Variants in FAM131C observed in about 807,000 individuals in gnomAD.
FAM131C encodes the protein family with sequence similarity 131 member C.
Under a neutral mutation model 29.8 loss-of-function variants are expected in FAM131C, and 14 were observed. The observed-to-expected ratio is 0.47, with a 90% CI of 0.31 to 0.73. The LOEUF is 0.73. Among genes scored for constraint, FAM131C ranks in the 30% least tolerant of loss-of-function variants. The pLI, the probability that FAM131C is intolerant of heterozygous loss-of-function variation, is 0.05. For missense variants in FAM131C, 252 were observed against 383.8 expected, an observed-to-expected ratio of 0.66 and a Z score of 2.87; for synonymous variants, 86 against 157.8, an observed-to-expected ratio of 0.54 and a Z score of 3.41.
intron 1 of FAM131C, among the ~76,000 whole-genome samples, chr1:16,071,958 C>A (rs1237378669): frequency 2.6e-5 from 4 of 152,194 alleles, no homozygotes; most frequent in Non-Finnish European, 5.9e-5. Flanking sequence ...CACTCAGATC[C>A]CCTCCACCTG....
intron 4 of FAM131C, 68 bp from the exon 5 acceptor site, chr1:16,060,119 C>T: frequency 1.3e-6 from 1 of 791,822 alleles, no homozygotes; most frequent in South Asian, 1.9e-5. Flanking sequence ...GGCCCCCATG[C>T]CTCAGGCCCA....
At chr1:16,061,636 C>T (rs1270107792) in intron 4 of FAM131C, among the ~76,000 whole-genome samples, 2 of 152,174 alleles carry the variant, frequency 1.3e-5, no homozygotes, top group Admixed American at 1.3e-4. Flanking sequence ...TGCTCCCAAG[C>T]TCCCAGTGGG....
chr1:16,072,309 C>A (rs532940262), intron 1 of FAM131C, among the ~76,000 whole-genome samples: 1 of 152,362 alleles, frequency 6.6e-6, no homozygotes, highest in Admixed American at 6.5e-5. Context: ...CCCACAGGAA[C>A]TCCTGAGCAG....
intron 1 of FAM131C, 137 bp downstream of exon 1, chr1:16,073,284 A>G: frequency 4.9e-6 from 2 of 407,788 alleles, no homozygotes; most frequent in Non-Finnish European, 8.0e-6. Context: ...TGTCCCCCTC[A>G]GGACGCCGCG....
At chr1:16,064,121 CCCCAGCCT>C (rs1331873395) in intron 1 of FAM131C, among the ~76,000 whole-genome samples, 1 of 152,090 alleles carries the variant, frequency 6.6e-6, no homozygotes, top group African/African-American at 2.4e-5. Flanking sequence ...GAGATTGTAG[CCCCAGCCT>C]CCCGTGGGAC....
At chr1:16,070,128 C>T (rs1474243612) in intron 1 of FAM131C, among the ~76,000 whole-genome samples, 2 of 152,084 alleles carry the variant, frequency 1.3e-5, no homozygotes, top group African/African-American at 2.4e-5. Flanking sequence ...TCACATTGAC[C>T]TGGATTCAAG....
In FAM131C at chr1:16,073,424, G is replaced by T; in HGVS notation, c.19C>A (p.Arg7=). 1 of 1,212,050 alleles carries T rather than the reference G, an allele frequency of 8.3e-7. No homozygotes were observed. Among genetic ancestry groups the T allele is most frequent in the Non-Finnish European group, 1.0e-6 (1 of 974,784 alleles). The allele number at this position is 1,212,050 out of a possible 1,614,324, so 75.1% of individuals were successfully genotyped here. Residue 7 remains arginine (R), a synonymous_variant, in exon 1 of 7, where the codon CGA becomes AGA. Coordinates refer to ENST00000375662, the MANE Select transcript of FAM131C (RefSeq NM_182623.3). MGSCVS[R]DLFTSAHKNC... is the part of the protein sequence containing the mutation. ...GCCCCCGGCCGGGCCCCCTCACCTC[G>T]CGACACGCAGGAGCCCATCACGGGG...
chr1:16,062,388 C>CT lies in FAM131C; in HGVS notation c.174+110_174+111insA, dbSNP rs1553129295. 1.1e-5 allele frequency: 13 copies of CT among 1,227,746 alleles called. 1 individual carries two copies. The highest frequency in any genetic ancestry group is 5.1e-5 in the African/African-American group (3 of 58,384). The allele number at this position is 1,227,746 out of a possible 1,614,324, so 76.1% of individuals were successfully genotyped here. A position where few individuals can be genotyped will look rare whatever the true frequency, so the allele number is the denominator to read the frequency against. ...ACCCACTGTTTCATCAGGCCCCCCC[C>CT]CCCCCCGCCCCAGGGCCAGCAGGAC... On this transcript the variant is annotated intron_variant, in intron 3 of 6. Coordinates refer to ENST00000375662, the MANE Select transcript of FAM131C (RefSeq NM_182623.3).
At chr1:16,069,934 A>T (rs1209902095) in intron 1 of FAM131C, among the ~76,000 whole-genome samples, 1 of 151,982 alleles carries the variant, frequency 6.6e-6, no homozygotes, top group Non-Finnish European at 1.5e-5. Flanking sequence ...GGTAATTTTT[A>T]AAAAGTTTTT....
chr1:16,066,222 T>G (rs1293645682), intron 1 of FAM131C, among the ~76,000 whole-genome samples: 1 of 152,178 alleles, frequency 6.6e-6, no homozygotes, highest in Non-Finnish European at 1.5e-5. Flanking sequence ...GGATTAGACT[T>G]AGTTTGCAGA....
At chr1:16,067,032 A>G (rs2023691889) in intron 1 of FAM131C, among the ~76,000 whole-genome samples, 1 of 152,194 alleles carries the variant, frequency 6.6e-6, no homozygotes, top group African/African-American at 2.4e-5. Context: ...GGAGCCGGGC[A>G]CAGAGGAGGC....
chr1:16,062,659 T>A, intron 2 of FAM131C, 125 bp from the exon 3 acceptor site: 1 of 1,391,750 alleles, frequency 7.2e-7, no homozygotes, highest in South Asian at 1.5e-5. Context: ...GAGGTTGGGG[T>A]CTGCCCTCTC....
chr1:16,063,755 G>C, intron 1 of FAM131C, 119 bp from the exon 2 acceptor site: 1 of 632,434 alleles, frequency 1.6e-6, no homozygotes, highest in Non-Finnish European at 2.7e-6. Context: ...CAACATCGTA[G>C]AGAAAGCAGA....
intron 1 of FAM131C, among the ~76,000 whole-genome samples, chr1:16,072,060 C>T (rs1337320883): frequency 6.6e-6 from 1 of 152,344 alleles, no homozygotes; most frequent in Middle Eastern, 3.4e-3. Context: ...ACTCTTCAAA[C>T]TTCCTTCCCC....
intron 1 of FAM131C, among the ~76,000 whole-genome samples, chr1:16,068,521 T>C (rs1249198564): frequency 1.3e-5 from 2 of 152,230 alleles, no homozygotes; most frequent in Non-Finnish European, 2.9e-5. Context: ...CCCTTGAGGG[T>C]GAGTCCTTGG....
chr1:16,063,948 C>T (rs1319511845), intron 1 of FAM131C, among the ~76,000 whole-genome samples: 1 of 152,110 alleles, frequency 6.6e-6, no homozygotes, highest in Non-Finnish European at 1.5e-5. Flanking sequence ...AGACTAGATC[C>T]TCCCGTCCTC....
intron 1 of FAM131C, among the ~76,000 whole-genome samples, chr1:16,071,162 G>A (rs1476547075): frequency 6.6e-6 from 1 of 152,244 alleles, no homozygotes; most frequent in Non-Finnish European, 1.5e-5. Context: ...ATCGATTGCT[G>A]GTGCAGGGGC....
chr1:16,065,906 C>CT (rs1553129648), intron 1 of FAM131C, among the ~76,000 whole-genome samples: 1,873 of 148,728 alleles, frequency 0.013, 21 homozygotes, highest in Non-Finnish European at 0.018. Flanking sequence ...GTTTTCTTTT[C>CT]TTTTTTTTTT....
intron 1 of FAM131C, among the ~76,000 whole-genome samples, chr1:16,063,837 C>A (rs778718364): frequency 1.2e-4 from 18 of 149,844 alleles, no homozygotes; most frequent in Non-Finnish European, 2.2e-4. Context: ...GAATTACTGG[C>A]CTCATCTTCT....
Sources: allele counts gnomAD v4.1 joint callset (sites outside exome capture counted in the v4.1 genomes callset), GRCh38; gene constraint gnomAD v4.1.1; transcripts MANE v1.5; gene names NCBI Gene and HGNC (gene_info 2026-07-23, HGNC 2026-07-21).